The following C4orf50 variants were observed in gnomAD, a reference collection of about 807,000 sequenced individuals.
C4orf50 encodes chromosome 4 open reading frame 50.
Under a neutral mutation model 77.2 loss-of-function variants are expected in C4orf50, and 80 were observed. That is an observed-to-expected ratio of 1.04 (90% CI 0.87 to 1.25). C4orf50 has a LOEUF of 1.25. Ranked by LOEUF, C4orf50 falls within the 50% of genes most tolerant of loss-of-function variation. The pLI is 0.00. For missense variants in C4orf50, 1,257 were observed against 1,152.9 expected (o/e 1.09, Z -1.31); for synonymous variants, 532 against 465.3 (o/e 1.14, Z -1.84).
exon 28 of C4orf50, chr4:5,988,544 C>T (rs755047908): frequency 1.8e-5 from 28 of 1,537,164 alleles, no homozygotes; most frequent in Non-Finnish European, 2.1e-5. Flanking sequence ...TTCCCGGTGC[C>T]TGTGGAAGGT....
chr4:5,961,742 G>A (rs1205548735), intron 33 of C4orf50, among the ~76,000 whole-genome samples: 1 of 152,180 alleles, frequency 6.6e-6, no homozygotes, highest in Non-Finnish European at 1.5e-5. Flanking sequence ...ATGATATAGA[G>A]GGCGAAACAT....
In C4orf50 at chr4:6,018,119, CAG is replaced by C. The variant is rs1722749799; in HGVS notation, c.287+24_287+25del. The C allele has an allele frequency of 2.5e-6, 1 of 398,430 alleles. No individual in the cohort carries two copies. The highest frequency in any genetic ancestry group is 4.4e-6 in the Non-Finnish European group (1 of 226,078). The allele number at this position is 398,430 out of a possible 1,614,324, so 24.7% of individuals were successfully genotyped here. ...GGCCCCGCGGTTTGTGAAATACACACAGAGAGATCAAAATGGCATCGCTACCT... is the reference window on the plus strand; with the variant it reads ...GGCCCCGCGGTTTGTGAAATACACACAGAGATCAAAATGGCATCGCTACCT... On this transcript the variant is annotated intron_variant, in intron 23 of 33. Coordinates refer to ENST00000531445, the Ensembl canonical transcript of C4orf50. The surrounding 1 kb of genome is among the most constrained non-coding windows in gnomAD (Gnocchi z 5.1).
chr4:5,997,519 G>A (rs1236215708), intron 25 of C4orf50, among the ~76,000 whole-genome samples: 2 of 152,220 alleles, frequency 1.3e-5, no homozygotes, highest in Admixed American at 1.3e-4. Flanking sequence ...CACAGGAGCA[G>A]AGCTCAGGTT....
exon 28 of C4orf50, chr4:5,989,945 T>C: frequency 4.2e-6 from 6 of 1,422,296 alleles, no homozygotes; most frequent in Non-Finnish European, 5.5e-6. Flanking sequence ...TCCTTGCCCC[T>C]AGCTGTCCTC....
At chr4:5,971,219 G>T (rs1719889258) in intron 31 of C4orf50, among the ~76,000 whole-genome samples, 1 of 152,184 alleles carries the variant, frequency 6.6e-6, no homozygotes, top group Non-Finnish European at 1.5e-5. Context: ...GAGCCCAAAG[G>T]CCCCCATCGG....
At chr4:5,941,259 C>A (rs1718249800) in intron 7 of C4orf50, among the ~76,000 whole-genome samples, 1 of 152,218 alleles carries the variant, frequency 6.6e-6, no homozygotes, top group South Asian at 2.1e-4. Flanking sequence ...GACAACAACA[C>A]TGCGAGTTAA....
chr4:5,985,370 C>T (rs28862337), intron 28 of C4orf50, among the ~76,000 whole-genome samples: 24,546 of 151,590 alleles, frequency 0.16, 2,085 homozygotes, highest in East Asian at 0.21. Flanking sequence ...ATTTATTCTA[C>T]ATAGGAGTAA....
At chr4:5,973,884 C>T (rs1461267872) in intron 30 of C4orf50, 43 bp from the exon 9 acceptor site, 1 of 1,499,570 alleles carries the variant, frequency 6.7e-7, no homozygotes, top group Non-Finnish European at 9.1e-7. Context: ...CCCACCAGGG[C>T]TGCATGGCTG....
intron 28 of C4orf50, among the ~76,000 whole-genome samples, chr4:5,983,166 C>G (rs1176557271): frequency 6.6e-6 from 1 of 152,244 alleles, no homozygotes; most frequent in Non-Finnish European, 1.5e-5. Context: ...CGACTCCTCT[C>G]AGCTGTTCTC....
chr4:5,928,732 C>G (rs1370322420), intron 7 of C4orf50, among the ~76,000 whole-genome samples: 1 of 152,210 alleles, frequency 6.6e-6, no homozygotes, highest in African/African-American at 2.4e-5. Context: ...GACACAATTC[C>G]TAACAGGGGA....
chr4:5,999,160 A>G (rs137921413), intron 25 of C4orf50, among the ~76,000 whole-genome samples: 1,684 of 152,326 alleles, frequency 0.011, 17 homozygotes, highest in Non-Finnish European at 0.019. Flanking sequence ...CAAAGGAAAC[A>G]CACTTTTATA....
chr4:5,978,508 A>C (rs1345936368), intron 29 of C4orf50, among the ~76,000 whole-genome samples: 1 of 152,232 alleles, frequency 6.6e-6, no homozygotes, highest in Non-Finnish European at 1.5e-5. Flanking sequence ...AATATACTTA[A>C]AGTCTAATTC....
intron 33 of C4orf50, among the ~76,000 whole-genome samples, chr4:5,962,864 C>G (rs1355295640): frequency 6.6e-6 from 1 of 152,196 alleles, no homozygotes; most frequent in Non-Finnish European, 1.5e-5. Context: ...CTCTTCTAGT[C>G]TCCGCTCTAC....
At position 5,989,753 on chromosome 4, in the gene C4orf50, C is replaced by A; in HGVS notation, c.2293G>T (p.Glu765Ter). Reference sequence around the variant, plus strand: ...CTGGGAAACAGTGGCAAACCTGTCTCTCCTGCAAAGAAAAGCATTTCCTTG... The same window carrying A: ...CTGGGAAACAGTGGCAAACCTGTCTATCCTGCAAAGAAAAGCATTTCCTTG... The change falls in exon 28 of 34, where the codon GAG (glutamate) becomes TAG (stop). Residue 765 changes from glutamate to a stop codon, truncating the protein, a stop_gained. Transcript: ENST00000531445. LOFTEE classifies it high-confidence loss of function. The A allele has an allele frequency of 3.3e-6, 5 of 1,532,074 alleles. No homozygotes were observed. The highest frequency in any genetic ancestry group is 4.4e-6 in the Non-Finnish European group (5 of 1,143,636). 94.9% of individuals were successfully genotyped at this position (1,532,074 alleles called of 1,614,324 possible). A position where few individuals can be genotyped will look rare whatever the true frequency, so the allele number is the denominator to read the frequency against.
At chr4:5,949,498 T>C (rs879942133) in intron 7 of C4orf50, among the ~76,000 whole-genome samples, 3 of 152,134 alleles carry the variant, frequency 2.0e-5, no homozygotes, top group Admixed American at 6.5e-5. Flanking sequence ...GTAGCCGGAC[T>C]TATAGAGACA....
Position 5,901,346 on chromosome 4 carries a change from A to G in C4orf50, c.*2475-3158T>C, listed in dbSNP as rs1402035064. 6.6e-6 allele frequency: 1 copy of G among 152,220 alleles called. No homozygotes were observed. The highest frequency in any genetic ancestry group is 1.5e-5 in the Non-Finnish European group (1 of 68,030). 9.4% of individuals were successfully genotyped at this position (152,220 alleles called of 1,614,324 possible). A position where few individuals can be genotyped will look rare whatever the true frequency, so the allele number is the denominator to read the frequency against. On this transcript the variant is annotated intron_variant, in intron 7 of 7. Transcript: ENST00000324058. The surrounding 1 kb of genome is among the most constrained non-coding windows in gnomAD (Gnocchi z 4.4). ...CAGTTTTTCCATTATTGCGCACAGT[A>G]GGTGCCGAGGTGTGTATCTTATTAT...
At chr4:5,931,663 G>T (rs560390299) in intron 7 of C4orf50, among the ~76,000 whole-genome samples, 22 of 152,206 alleles carry the variant, frequency 1.4e-4, no homozygotes, top group African/African-American at 5.3e-4. Context: ...CCCTTGTGAT[G>T]TCTGACGGGG....
rs533742597 is a variant in C4orf50, at chr4:6,001,829, G to A, written c.963+6167C>T. Among the ~76,000 whole-genome samples, 10 of 152,376 alleles carry A rather than the reference G, an allele frequency of 6.6e-5. No individual in the cohort carries two copies. In the South Asian group the frequency reaches 1.0e-3, roughly 16 times the overall value. On this transcript the variant is annotated intron_variant, in intron 25 of 33. Transcript: ENST00000531445. ...ATAAATAAATGTATAGCATGTCAGT[G>A]TGCCTGCGGCACTCAGCAAACACCG...
chr4:5,989,273 T>C (rs757440955), exon 28 of C4orf50: 1 of 1,536,066 alleles, frequency 6.5e-7, no homozygotes, highest in Non-Finnish European at 8.7e-7. Context: ...TGATGAAACC[T>C]GCTCCTCACT....
Sources: gnomAD v4.1 joint callset for allele counts (sites outside exome capture counted in the v4.1 genomes callset) on GRCh38, gnomAD v4.1.1 for gene constraint, Gnocchi (gnomAD v3.1) non-coding constraint, MANE v1.5 for transcripts, NCBI Gene and HGNC (gene_info 2026-07-23, HGNC 2026-07-21) for gene names.